The following RTN3 variants were observed in gnomAD, a reference collection of about 807,000 sequenced individuals.
RTN3 encodes the protein reticulon 3.
A neutral mutation model predicts 77.8 loss-of-function variants in RTN3; 49 were observed. The ratio of observed to expected loss-of-function variants is 0.63; its 90% confidence interval spans 0.50 to 0.80. The LOEUF is 0.80. RTN3 is among the 30% of genes least tolerant of loss of function. RTN3 has a pLI of 0.00. For synonymous variants in RTN3, 464 were observed against 446.9 expected (o/e 1.04, Z -0.48); for missense variants, 1,236 against 1,211.9 (o/e 1.02, Z -0.29).
intron 1 of RTN3, among the ~76,000 whole-genome samples, chr11:63,686,894 G>A (rs1192478343): frequency 1.3e-5 from 2 of 152,120 alleles, no homozygotes; most frequent in East Asian, 1.9e-4. Flanking sequence ...CATTTTATAT[G>A]TTTGTTCATG....
intron 3 of RTN3, among the ~76,000 whole-genome samples, chr11:63,744,628 C>G (rs2013690261): frequency 6.6e-6 from 1 of 152,028 alleles, no homozygotes; most frequent in Admixed American, 6.6e-5. Flanking sequence ...GCTTTGTTGT[C>G]CACATGTCAT....
At chr11:63,733,742 C>T (rs1272421140) in intron 3 of RTN3, among the ~76,000 whole-genome samples, 2 of 150,462 alleles carry the variant, frequency 1.3e-5, no homozygotes. Flanking sequence ...ATTAGCTGGG[C>T]GTGGTGGCGG....
intron 2 of RTN3, among the ~76,000 whole-genome samples, chr11:63,714,694 G>A (rs2011295046): frequency 6.6e-6 from 1 of 151,356 alleles, no homozygotes; most frequent in Non-Finnish European, 1.5e-5. Context: ...TCTATTTTTT[G>A]TAGGGGCAGG....
At position 63,719,887 on chromosome 11, in the gene RTN3, G is replaced by T. The variant is rs1217077072; in HGVS notation, c.1385G>T (p.Gly462Val). 6.2e-7 allele frequency: 1 copy of T among 1,614,164 alleles called. No homozygotes were observed. The highest frequency in any genetic ancestry group is 8.5e-7 in the Non-Finnish European group (1 of 1,180,014). ...GSPPEKCDSLGSGVATVKVVL... is the reference protein window; with the variant it reads ...GSPPEKCDSLVSGVATVKVVL... ...CCACCTGAGAAATGTGACTCTTTGGGTTCTGGAGTGGCCACAGTGAAAGTG... is the reference window on the plus strand; with the variant it reads ...CCACCTGAGAAATGTGACTCTTTGGTTTCTGGAGTGGCCACAGTGAAAGTG... Residue 462 changes from glycine to valine, a missense_variant, in exon 3 of 9, where the codon GGT becomes GTT. Physicochemically the swap from Gly to Val is moderately radical, Grantham distance 109. Around this residue, in one of 3 missense-constraint regions of RTN3, gnomAD observed 1,056 missense variants for 990.4 expected, o/e 1.07. Coordinates refer to ENST00000377819, the MANE Select transcript of RTN3 (RefSeq NM_001265589.2).
intron 3 of RTN3, among the ~76,000 whole-genome samples, chr11:63,735,561 T>TCTCTCTCTCTCC (rs2013044792): frequency 7.3e-6 from 1 of 137,000 alleles, no homozygotes; most frequent in African/African-American, 2.8e-5. Flanking sequence ...TCTCTCTCTC[T>TCTCTCTCTCTCC]CTCTCTCTCT....
chr11:63,709,829 T>G (rs1244068809), intron 2 of RTN3, among the ~76,000 whole-genome samples: 1 of 152,206 alleles, frequency 6.6e-6, no homozygotes, highest in African/African-American at 2.4e-5. Flanking sequence ...TATGAAAAAG[T>G]AAGTTAGTGG....
At chr11:63,702,927 T>C (rs1343312045) in intron 1 of RTN3, among the ~76,000 whole-genome samples, 26 of 148,316 alleles carry the variant, frequency 1.8e-4, no homozygotes, top group Non-Finnish European at 3.0e-5. Flanking sequence ...CCTCGTGATC[T>C]GCCTGCCTCG....
intron 3 of RTN3, among the ~76,000 whole-genome samples, chr11:63,735,598 C>CTCTCTCTCTCTCTT (rs1238903324): frequency 2.7e-5 from 4 of 147,764 alleles, no homozygotes; most frequent in Non-Finnish European, 4.4e-5. Flanking sequence ...CTCTCTCTCT[C>CTCTCTCTCTCTCTT]TCTTTCTTTC....
At chr11:63,722,332 G>A (rs1189870342) in intron 3 of RTN3, among the ~76,000 whole-genome samples, 2 of 152,084 alleles carry the variant, frequency 1.3e-5, no homozygotes, top group African/African-American at 4.8e-5. Context: ...GTTTGATTTT[G>A]TGCCTTTTTA....
intron 2 of RTN3, among the ~76,000 whole-genome samples, chr11:63,713,230 T>C (rs1459300389): frequency 1.3e-5 from 2 of 152,212 alleles, no homozygotes; most frequent in African/African-American, 4.8e-5. Flanking sequence ...AGATGAGTAA[T>C]CATGGAGCTG....
intron 3 of RTN3, among the ~76,000 whole-genome samples, chr11:63,722,943 C>G (rs975580841): frequency 4.6e-5 from 7 of 152,174 alleles, no homozygotes; most frequent in Non-Finnish European, 8.8e-5. Flanking sequence ...AGGAATTATG[C>G]TACAAGAACT....
At chr11:63,734,580 A>T (rs1463463290) in intron 3 of RTN3, among the ~76,000 whole-genome samples, 1 of 151,710 alleles carries the variant, frequency 6.6e-6, no homozygotes, top group Non-Finnish European at 1.5e-5. Flanking sequence ...AAAAATAGAA[A>T]AATTAGCCAG....
intron 4 of RTN3, 51 bp downstream of exon 4, chr11:63,750,249 C>T (rs1565044868): frequency 6.8e-6 from 10 of 1,470,868 alleles, no homozygotes; most frequent in Admixed American, 1.9e-5. Flanking sequence ...GAAGGGTTCA[C>T]TGAAGCTGAT....
chr11:63,717,291 C>A (rs2011471219), intron 2 of RTN3, among the ~76,000 whole-genome samples: 1 of 149,238 alleles, frequency 6.7e-6, no homozygotes, highest in Non-Finnish European at 1.5e-5. Context: ...TTGATGGCTA[C>A]TATGGTATTA....
chr11:63,689,853 G>A (rs1431791481), intron 1 of RTN3, among the ~76,000 whole-genome samples: 1 of 151,930 alleles, frequency 6.6e-6, no homozygotes, highest in African/African-American at 2.4e-5. Context: ...CGCCCCCCGG[G>A]TTCAAGCGAT....
chr11:63,720,832 CTT>C lies in RTN3; in HGVS notation c.2332_2333del (p.Phe778HisfsTer13). 1 of 1,613,802 alleles carries C rather than the reference CTT, an allele frequency of 6.2e-7. No homozygotes were observed. The highest frequency in any genetic ancestry group is 8.5e-7 in the Non-Finnish European group (1 of 1,179,868). The stretch of plus-strand genomic sequence containing the variant: ...CCTTCTGAAGAAGTACTGAAGCAAA[CTT>C]TCACATTTGCTCCAGAATCTTGGCC... On this transcript the variant is annotated frameshift_variant, in exon 3 of 9. Coordinates refer to ENST00000377819, the MANE Select transcript of RTN3 (RefSeq NM_001265589.2). LOFTEE classifies it high-confidence loss of function.
chr11:63,754,734 T>TTGAGACCACGG (rs2014280153), intron 7 of RTN3, among the ~76,000 whole-genome samples: 1 of 141,484 alleles, frequency 7.1e-6, no homozygotes, highest in Non-Finnish European at 1.5e-5. Flanking sequence ...AGATGGGAGA[T>TTGAGACCACGG]TGAGACCACG....
At chr11:63,705,662 A>G (rs537144693) in intron 2 of RTN3, among the ~76,000 whole-genome samples, 83 of 152,374 alleles carry the variant, frequency 5.4e-4, no homozygotes, top group Non-Finnish European at 9.7e-4. Flanking sequence ...TTTTAATGTG[A>G]ATTTATCTGA....
intron 3 of RTN3, among the ~76,000 whole-genome samples, chr11:63,746,666 C>T (rs2013814642): frequency 6.6e-6 from 1 of 152,070 alleles, no homozygotes; most frequent in African/African-American, 2.4e-5. Context: ...GGGCACCCGC[C>T]ACCACGCCCA....
Sources: gnomAD v4.1 joint callset for allele counts (sites outside exome capture counted in the v4.1 genomes callset) on GRCh38, gnomAD v4.1.1 for gene constraint, gnomAD v4.1.1 regional missense constraint, MANE v1.5 for transcripts, NCBI Gene and HGNC (gene_info 2026-07-23, HGNC 2026-07-21) for gene names.